Variants in PLEKHM3 observed in about 807,000 individuals in gnomAD.
PLEKHM3 encodes the protein pleckstrin homology domain containing M3, also known as pleckstrin homology domain-containing family M member 3.
Under a neutral mutation model 81.8 loss-of-function variants are expected in PLEKHM3, and 45 were observed. The observed-to-expected ratio is 0.55, with a 90% CI of 0.43 to 0.71. The LOEUF is 0.71. Among genes scored for constraint, PLEKHM3 ranks in the 30% least tolerant of loss-of-function variants. The pLI, the probability that PLEKHM3 is intolerant of heterozygous loss-of-function variation, is 0.00. For synonymous variants in PLEKHM3, 352 were observed against 356.4 expected (o/e 0.99, Z 0.14); for missense variants, 788 against 924.3 (o/e 0.85, Z 1.91).
chr2:208,010,262 T>G (rs1692644172), intron 1 of PLEKHM3, among the ~76,000 whole-genome samples: 1 of 152,184 alleles, frequency 6.6e-6, no homozygotes, highest in South Asian at 2.1e-4. Flanking sequence ...CCTAACTAAA[T>G]ATAAGCATGG....
At chr2:207,999,782 A>G (rs1692236379) in intron 2 of PLEKHM3, among the ~76,000 whole-genome samples, 1 of 152,200 alleles carries the variant, frequency 6.6e-6, no homozygotes, top group South Asian at 2.1e-4. Flanking sequence ...GGAACACTGC[A>G]TTTGCTTAAC....
At chr2:208,020,822 G>A (rs1229041787) in intron 1 of PLEKHM3, among the ~76,000 whole-genome samples, 1 of 152,166 alleles carries the variant, frequency 6.6e-6, no homozygotes, top group African/African-American at 2.4e-5. Context: ...GACACTCTCT[G>A]TACTTTTCTA....
At chr2:207,857,655 G>A (rs1051155691) in intron 7 of PLEKHM3, among the ~76,000 whole-genome samples, 1 of 151,944 alleles carries the variant, frequency 6.6e-6, no homozygotes, top group South Asian at 2.1e-4. Flanking sequence ...GTATAACATT[G>A]TTTATAATAC....
At chr2:208,014,268 AACT>A (rs1692800205) in intron 1 of PLEKHM3, among the ~76,000 whole-genome samples, 1 of 152,260 alleles carries the variant, frequency 6.6e-6, no homozygotes. Context: ...TTTGTCATTT[AACT>A]ATACACAAAT....
chr2:207,856,355 T>A (rs1178220740), intron 7 of PLEKHM3, among the ~76,000 whole-genome samples: 2 of 152,186 alleles, frequency 1.3e-5, no homozygotes, highest in African/African-American at 4.8e-5. Flanking sequence ...TAAGGCTCAC[T>A]CTGTGATGTA....
intron 1 of PLEKHM3, among the ~76,000 whole-genome samples, chr2:208,015,527 C>T (rs6712527): frequency 0.59 from 90,021 of 152,054 alleles, 29,454 homozygotes; most frequent in Non-Finnish European, 0.73. Flanking sequence ...AAGTTCTCTA[C>T]GGGAATGGTA....
At chr2:207,992,047 T>C (rs1574474371) in intron 2 of PLEKHM3, among the ~76,000 whole-genome samples, 1 of 152,212 alleles carries the variant, frequency 6.6e-6, no homozygotes, top group East Asian at 1.9e-4. Context: ...GGAAGCAAAA[T>C]GACTTGGCCA....
intron 2 of PLEKHM3, among the ~76,000 whole-genome samples, chr2:207,980,984 C>T (rs1322199042): frequency 2.0e-5 from 3 of 151,698 alleles, no homozygotes; most frequent in Admixed American, 6.6e-5. Flanking sequence ...AAAAATTAGT[C>T]GGGTGTGGTG....
Position 207,861,255 on chromosome 2 carries a change from T to C in PLEKHM3, c.1958A>G (p.Glu653Gly), listed in dbSNP as rs762422346. ...YSLADLQQVI[E>G]GKLAPFLGKV... ...GCCCAAGAATGGAGCCAGCTTTCCCTCTATTACCTGCAGAAAGAGAAATGG... is the reference window on the plus strand; with the variant it reads ...GCCCAAGAATGGAGCCAGCTTTCCCCCTATTACCTGCAGAAAGAGAAATGG... The change falls in exon 7 of 8, where the codon GAG becomes GGG. Residue 653 changes from glutamate to glycine, a missense_variant. Glu to Gly is a moderately conservative substitution (Grantham distance 98). Transcript: ENST00000427836. 3.7e-6 allele frequency: 6 copies of C among 1,613,904 alleles called. No individual in the cohort carries two copies. In the Middle Eastern group the frequency reaches 8.3e-4, roughly 222 times the overall value.
rs2092266762 is a variant in PLEKHM3, at chr2:207,828,637, T to C, written c.2109-141A>G. ...GCCAATGGGAAGGGAGATGACTCAC[T>C]GAAATGAACTGTTTGTTTTTCCAAA... On this transcript the variant is annotated intron_variant, in intron 7 of 7. Coordinates refer to ENST00000427836, the MANE Select transcript of PLEKHM3 (RefSeq NM_001080475.3). 5 of 754,520 alleles carry C rather than the reference T, an allele frequency of 6.6e-6. No individual in the cohort carries two copies. The East Asian group carries it at 1.4e-4, about 21-fold the overall frequency. The allele number at this position is 754,520 out of a possible 1,614,324, so 46.7% of individuals were successfully genotyped here. A position where few individuals can be genotyped will look rare whatever the true frequency, so the allele number is the denominator to read the frequency against.
intron 7 of PLEKHM3, among the ~76,000 whole-genome samples, chr2:207,840,077 C>G (rs1410163315): frequency 6.6e-6 from 1 of 152,200 alleles, no homozygotes; most frequent in Admixed American, 6.5e-5. Context: ...AACTATACTT[C>G]TAAGTCAATC....
At chr2:207,983,655 C>G (rs536733570) in intron 2 of PLEKHM3, among the ~76,000 whole-genome samples, 156 of 152,022 alleles carry the variant, frequency 1.0e-3, no homozygotes, top group African/African-American at 3.7e-3. Context: ...AGACTTGGTT[C>G]TGTTCCTCCT....
intron 1 of PLEKHM3, among the ~76,000 whole-genome samples, chr2:208,011,076 A>C (rs58174559): frequency 5.9e-5 from 9 of 151,938 alleles, no homozygotes; most frequent in South Asian, 2.1e-4. Flanking sequence ...AAAAAAAAAA[A>C]AAAAAAACAA....
At chr2:207,890,161 C>T (rs1264260049) in intron 6 of PLEKHM3, among the ~76,000 whole-genome samples, 9 of 152,064 alleles carry the variant, frequency 5.9e-5, no homozygotes, top group Admixed American at 5.2e-4. Context: ...ATTCTTGTCA[C>T]GAGGTGACAT....
intron 3 of PLEKHM3, among the ~76,000 whole-genome samples, chr2:207,970,060 CG>C (rs1237326618): frequency 6.6e-6 from 1 of 151,988 alleles, no homozygotes; most frequent in Non-Finnish European, 1.5e-5. Flanking sequence ...AAACAGAGTA[CG>C]GGGAGAGGAA....
In PLEKHM3 at chr2:207,968,561, A is replaced by T. The variant is rs112274915; in HGVS notation, c.1546+8090T>A. ...CCTTCAAGCCCTCCATAGCCTTGGG[A>T]GGCTGGGTGTTTCTATAAGTATTTG... On this transcript the variant is annotated intron_variant, in intron 3 of 7. Coordinates refer to ENST00000427836, the MANE Select transcript of PLEKHM3 (RefSeq NM_001080475.3). Among the ~76,000 whole-genome samples the T allele has an allele frequency of 5.9e-5, 9 of 152,198 alleles. 1 individual carries two copies. Among genetic ancestry groups the T allele is most frequent in the African/African-American group, 2.2e-4 (9 of 41,532 alleles).
chr2:207,960,681 A>G (rs1198824889), intron 3 of PLEKHM3, among the ~76,000 whole-genome samples: 1 of 152,232 alleles, frequency 6.6e-6, no homozygotes, highest in African/African-American at 2.4e-5. Flanking sequence ...ACTCAGATGC[A>G]TGTTGGTGGG....
chr2:207,931,698 T>A (rs1266116677), intron 4 of PLEKHM3, among the ~76,000 whole-genome samples: 1 of 152,114 alleles, frequency 6.6e-6, no homozygotes, highest in African/African-American at 2.4e-5. Flanking sequence ...CAAGGCCGGG[T>A]GTGGTGGCTC....
chr2:207,931,383 C>T (rs1213165745), intron 4 of PLEKHM3, among the ~76,000 whole-genome samples: 1 of 152,144 alleles, frequency 6.6e-6, no homozygotes, highest in Non-Finnish European at 1.5e-5. Flanking sequence ...CAGAACGGCA[C>T]AGTATGGTGC....
Sources: allele counts gnomAD v4.1 joint callset (sites outside exome capture counted in the v4.1 genomes callset), GRCh38; gene constraint gnomAD v4.1.1; transcripts MANE v1.5; gene names NCBI Gene and HGNC (gene_info 2026-07-23, HGNC 2026-07-21).